Variants in SMYD3 observed in about 807,000 individuals in gnomAD.
SMYD3 encodes SET and MYND domain containing 3.
Under a neutral mutation model 57.7 loss-of-function variants are expected in SMYD3, and 36 were observed. That is an observed-to-expected ratio of 0.62 (90% CI 0.48 to 0.82). The LOEUF (loss-of-function observed/expected upper bound fraction) is 0.82. Ranked by LOEUF, SMYD3 falls within the 40% of genes least tolerant of loss-of-function variation. SMYD3 has a pLI of 0.00. For missense variants in SMYD3, 515 were observed against 538.8 expected (o/e 0.96, Z 0.44); for synonymous variants, 211 against 195.0 (o/e 1.08, Z -0.68).
intron 11 of SMYD3, among the ~76,000 whole-genome samples, chr1:245,758,831 T>G (rs2148031451): frequency 1.3e-5 from 2 of 152,318 alleles, no homozygotes; most frequent in South Asian, 4.1e-4. Flanking sequence ...TGCTTTTATT[T>G]TCATTAAGAT....
chr1:246,251,207 G>T (rs1324861452), intron 5 of SMYD3, among the ~76,000 whole-genome samples: 2 of 152,162 alleles, frequency 1.3e-5, no homozygotes, highest in African/African-American at 4.8e-5. Context: ...CCTGGATTTG[G>T]GTTGTTAGGA....
At chr1:246,460,895 T>C (rs1363300616) in intron 1 of SMYD3, among the ~76,000 whole-genome samples, 1 of 152,196 alleles carries the variant, frequency 6.6e-6, no homozygotes, top group Non-Finnish European at 1.5e-5. Flanking sequence ...AAGTACAAAT[T>C]TAGTACATTT....
At chr1:246,463,389 G>C (rs919468691) in intron 1 of SMYD3, among the ~76,000 whole-genome samples, 1 of 152,000 alleles carries the variant, frequency 6.6e-6, no homozygotes, top group African/African-American at 2.4e-5. Context: ...AAAACAGTGG[G>C]GTACTAGTTA....
At chr1:245,756,429 C>T (rs1031408221) in intron 11 of SMYD3, among the ~76,000 whole-genome samples, 6 of 151,850 alleles carry the variant, frequency 4.0e-5, no homozygotes, top group African/African-American at 1.2e-4. Context: ...TTTTACTTAC[C>T]CACACTTTTG....
chr1:245,762,749 C>T (rs548086560), intron 11 of SMYD3, among the ~76,000 whole-genome samples: 4 of 152,326 alleles, frequency 2.6e-5, no homozygotes, highest in South Asian at 4.1e-4. Flanking sequence ...AGAATCCCTT[C>T]GGCATTTGTC....
intron 5 of SMYD3, among the ~76,000 whole-genome samples, chr1:246,135,000 G>A (rs1010648088): frequency 6.6e-6 from 1 of 151,578 alleles, no homozygotes; most frequent in South Asian, 2.1e-4. Context: ...GGTTAGTGCT[G>A]AAGTAGGCAG....
intron 5 of SMYD3, among the ~76,000 whole-genome samples, chr1:246,058,719 G>A (rs1260962334): frequency 6.6e-6 from 1 of 152,092 alleles, no homozygotes; most frequent in Non-Finnish European, 1.5e-5. Flanking sequence ...ACTTATAGCA[G>A]CTCACAAAAG....
intron 5 of SMYD3, among the ~76,000 whole-genome samples, chr1:246,220,139 T>G (rs770966109): frequency 6.6e-6 from 1 of 152,132 alleles, no homozygotes; most frequent in Non-Finnish European, 1.5e-5. Flanking sequence ...ATTTAGATGA[T>G]GAAAATCTTA....
intron 10 of SMYD3, among the ~76,000 whole-genome samples, chr1:245,858,035 C>T (rs936277162): frequency 6.6e-6 from 1 of 152,174 alleles, no homozygotes; most frequent in Non-Finnish European, 1.5e-5. Context: ...CAACTGAAAG[C>T]ATAAATCCTG....
chr1:246,312,904 G>A (rs979899129), intron 5 of SMYD3, among the ~76,000 whole-genome samples: 9 of 145,486 alleles, frequency 6.2e-5, no homozygotes, highest in Admixed American at 2.1e-4. Context: ...GGTATTGTTG[G>A]TTTTGGTTTG....
At chr1:246,051,069 T>G (rs1467334680) in intron 5 of SMYD3, among the ~76,000 whole-genome samples, 1 of 151,962 alleles carries the variant, frequency 6.6e-6, no homozygotes, top group Non-Finnish European at 1.5e-5. Flanking sequence ...CAAGTACTAT[T>G]CTTTGGAAAG....
At chr1:246,065,114 T>C (rs2060319494) in intron 5 of SMYD3, among the ~76,000 whole-genome samples, 1 of 152,240 alleles carries the variant, frequency 6.6e-6, no homozygotes, top group African/African-American at 2.4e-5. Flanking sequence ...TGTCCCATTG[T>C]TTAGAGGAGG....
At chr1:246,069,732 C>T (rs767246258) in intron 5 of SMYD3, among the ~76,000 whole-genome samples, 30 of 152,196 alleles carry the variant, frequency 2.0e-4, no homozygotes, top group Non-Finnish European at 3.4e-4. Flanking sequence ...TCTGAAGAAT[C>T]CTGAGGCAGA....
chr1:246,007,804 C>G (rs1421500349), intron 5 of SMYD3, among the ~76,000 whole-genome samples: 1 of 146,626 alleles, frequency 6.8e-6, no homozygotes, highest in Non-Finnish European at 1.5e-5. Context: ...GAAACAGAGC[C>G]AGACCCTGAC....
intron 5 of SMYD3, among the ~76,000 whole-genome samples, chr1:246,049,323 G>A (rs1450349456): frequency 6.6e-6 from 1 of 152,076 alleles, no homozygotes; most frequent in Non-Finnish European, 1.5e-5. Context: ...TTGAGATGGA[G>A]TCTCGCTCTG....
intron 1 of SMYD3, among the ~76,000 whole-genome samples, chr1:246,456,940 C>G (rs952856079): frequency 6.6e-6 from 1 of 152,270 alleles, no homozygotes; most frequent in Non-Finnish European, 1.5e-5. Flanking sequence ...CAGACTAATC[C>G]AAATCTGGCT....
chr1:246,231,648 T>C (rs888503349), intron 5 of SMYD3, among the ~76,000 whole-genome samples: 1 of 152,184 alleles, frequency 6.6e-6, no homozygotes, highest in African/African-American at 2.4e-5. Flanking sequence ...CTAGAGATAG[T>C]ATCTCTTACA....
intron 11 of SMYD3, among the ~76,000 whole-genome samples, chr1:245,751,227 C>T (rs895948737): frequency 3.9e-5 from 6 of 152,088 alleles, no homozygotes; most frequent in Non-Finnish European, 7.4e-5. Context: ...TTTTGCCTTT[C>T]TTGGATATTT....
At chr1:246,016,535 A>T (rs190081115) in intron 5 of SMYD3, among the ~76,000 whole-genome samples, 1 of 152,296 alleles carries the variant, frequency 6.6e-6, no homozygotes, top group East Asian at 1.9e-4. Context: ...GTGAGCCGAG[A>T]TCATGCCACT....
Sources: gnomAD v4.1 joint callset for allele counts (sites outside exome capture counted in the v4.1 genomes callset) on GRCh38, gnomAD v4.1.1 for gene constraint, MANE v1.5 for transcripts, NCBI Gene and HGNC (gene_info 2026-07-23, HGNC 2026-07-21) for gene names.